UGT2B15: variants seen among roughly 807,000 people sequenced by gnomAD.
UGT2B15 encodes the protein UDP glucuronosyltransferase family 2 member B15.
Under a neutral mutation model 45.9 loss-of-function variants are expected in UGT2B15, and 36 were observed. The ratio of observed to expected loss-of-function variants is 0.78; its 90% confidence interval spans 0.60 to 1.04. The LOEUF (loss-of-function observed/expected upper bound fraction) is 1.04, where lower values mean the gene tolerates loss of function less well. Ranked by LOEUF, UGT2B15 falls within the 50% of genes least tolerant of loss-of-function variation. The probability of loss-of-function intolerance (pLI) is 0.00; values close to 1 mark genes in which losing one functional copy is unlikely to be tolerated. For missense variants in UGT2B15, 617 were observed against 622.4 expected (o/e 0.99, Z 0.09); for synonymous variants, 219 against 216.4 (o/e 1.01, Z -0.11).
rs761744978 is a variant in UGT2B15, at chr4:68,648,031, G to A, written c.1314-648C>T. Among the ~76,000 whole-genome samples the A allele has an allele frequency of 4.2e-4, 64 of 152,040 alleles. 2 individuals carry two copies. Among genetic ancestry groups the A allele is most frequent in the Admixed American group, 9.8e-4 (15 of 15,246 alleles). ...ACCACTGTGCCCAGCCCATTTTGACGTATTTAAAGAAGAATTGTGACACAA... is the reference window on the plus strand; with the variant it reads ...ACCACTGTGCCCAGCCCATTTTGACATATTTAAAGAAGAATTGTGACACAA... On this transcript the variant is annotated intron_variant, in intron 5 of 5. Transcript: ENST00000338206.
intron 3 of UGT2B15, among the ~76,000 whole-genome samples, chr4:68,658,921 G>A (rs947329699): frequency 1.3e-5 from 2 of 152,004 alleles, no homozygotes; most frequent in African/African-American, 2.4e-5. Context: ...AACTGATACT[G>A]AGAGATAAGT....
chr4:68,650,125 C>T (rs1335873925), intron 5 of UGT2B15, among the ~76,000 whole-genome samples: 1 of 151,994 alleles, frequency 6.6e-6, no homozygotes, highest in Non-Finnish European at 1.5e-5. Context: ...TGAGTCACTG[C>T]ACCTGGTCAG....
At chr4:68,660,068 G>A in intron 3 of UGT2B15, among the ~76,000 whole-genome samples, 1 of 149,558 alleles carries the variant, frequency 6.7e-6, no homozygotes, top group Non-Finnish European at 1.5e-5. Context: ...AACTATTTGT[G>A]AGTATTTTTT....
chr4:68,649,880 A>C (rs1410889417), intron 5 of UGT2B15, among the ~76,000 whole-genome samples: 2 of 151,116 alleles, frequency 1.3e-5, no homozygotes, highest in Admixed American at 6.6e-5. Context: ...CTCTGTCACC[A>C]GGAGTTCAGT....
intron 5 of UGT2B15, among the ~76,000 whole-genome samples, chr4:68,652,200 A>G (rs1732675633): frequency 1.3e-5 from 2 of 151,982 alleles, no homozygotes; most frequent in African/African-American, 4.8e-5. Context: ...GTGTATAGTA[A>G]TGCTTGTGAT....
chr4:68,664,134 A>G (rs1733048239), intron 2 of UGT2B15, among the ~76,000 whole-genome samples: 1 of 152,060 alleles, frequency 6.6e-6, no homozygotes, highest in South Asian at 2.1e-4. Context: ...CTCACACTAT[A>G]TGAAGCTCCT....
At chr4:68,655,527 A>T (rs1157337034) in intron 3 of UGT2B15, among the ~76,000 whole-genome samples, 1 of 152,090 alleles carries the variant, frequency 6.6e-6, no homozygotes, top group Non-Finnish European at 1.5e-5. Flanking sequence ...CTCCCATTCT[A>T]TTCAAAGTCA....
intron 2 of UGT2B15, among the ~76,000 whole-genome samples, chr4:68,666,751 TA>T (rs199630565): frequency 0.068 from 4,627 of 67,606 alleles, 98 homozygotes; most frequent in Middle Eastern, 0.15. Context: ...TATATATATA[TA>T]TTTTTTTTTT....
chr4:68,669,767 C>A, intron 1 of UGT2B15, 128 bp downstream of exon 1: 1 of 1,325,550 alleles, frequency 7.5e-7, no homozygotes, highest in East Asian at 2.3e-5. Flanking sequence ...ACTGATAGAT[C>A]ATCTTACATT....
intron 3 of UGT2B15, among the ~76,000 whole-genome samples, chr4:68,660,388 G>T (rs1431820570): frequency 6.6e-6 from 1 of 151,824 alleles, no homozygotes; most frequent in Non-Finnish European, 1.5e-5. Context: ...CCAACTCGTA[G>T]GTATTTGATG....
chr4:68,654,118 C>G lies in UGT2B15; in HGVS notation c.1232G>C (p.Gly411Ala), dbSNP rs766952023. Residue 411 changes from glycine (G) to alanine (A), a missense_variant, in exon 5 of 6, where the codon GGA becomes GCA. Physicochemically the swap from Gly to Ala is moderately conservative, Grantham distance 60. Transcript: ENST00000338206. ...HDNIAHMKAK[G>A]AALSVDIRTM... ...CCTGATGTCCACACTGAGGGCTGCT[C>G]CCTTGGCTTTCATGTGAGCAATGTT... The G allele has an allele frequency of 1.2e-6, 2 of 1,613,596 alleles. No individual in the cohort carries two copies. The highest frequency in any genetic ancestry group is 1.7e-5 in the Admixed American group (1 of 59,950).
chr4:68,661,161 A>G (rs1306028342), intron 3 of UGT2B15, among the ~76,000 whole-genome samples: 7 of 151,952 alleles, frequency 4.6e-5, no homozygotes, highest in Non-Finnish European at 7.4e-5. Flanking sequence ...GATTTTTTTT[A>G]AATGTAAAAG....
chr4:68,651,378 G>T (rs1339928386), intron 5 of UGT2B15, among the ~76,000 whole-genome samples: 1 of 151,938 alleles, frequency 6.6e-6, no homozygotes, highest in Non-Finnish European at 1.5e-5. Context: ...ATGGCTAGCC[G>T]GTTTCTCCAG....
chr4:68,664,944 A>G (rs1733076825), intron 2 of UGT2B15, among the ~76,000 whole-genome samples: 1 of 152,168 alleles, frequency 6.6e-6, no homozygotes, highest in Non-Finnish European at 1.5e-5. Flanking sequence ...GTGTAATTGC[A>G]GTTGCCTGTA....
chr4:68,669,352 T>C (rs1486231201), intron 1 of UGT2B15, among the ~76,000 whole-genome samples: 1 of 152,094 alleles, frequency 6.6e-6, no homozygotes, highest in Admixed American at 6.6e-5. Context: ...AAGGAATGTA[T>C]AAACATTAGA....
At chr4:68,662,494 A>G (rs1026338) in intron 3 of UGT2B15, among the ~76,000 whole-genome samples, 50,523 of 131,266 alleles carry the variant, frequency 0.38, 10,227 homozygotes, top group South Asian at 0.47. Context: ...TGAACAGAAC[A>G]CTAAATAGAC....
intron 3 of UGT2B15, among the ~76,000 whole-genome samples, chr4:68,656,748 C>T (rs940073424): frequency 2.0e-5 from 3 of 151,968 alleles, no homozygotes; most frequent in African/African-American, 7.3e-5. Context: ...CACCACTCAC[C>T]CCTTTAGGGG....
intron 5 of UGT2B15, among the ~76,000 whole-genome samples, chr4:68,651,918 T>C (rs1392147331): frequency 1.3e-5 from 2 of 152,068 alleles, no homozygotes; most frequent in East Asian, 1.9e-4. Flanking sequence ...GGAATGTCAA[T>C]GGTAGTTTGA....
Position 68,668,202 on chromosome 4 carries a change from A to G in UGT2B15, c.725-14T>C. 1 of 1,603,200 alleles carries G rather than the reference A, an allele frequency of 6.2e-7. No individual in the cohort carries two copies. The highest frequency in any genetic ancestry group is 8.5e-7 in the Non-Finnish European group (1 of 1,174,732). On this transcript the variant is annotated splice_polypyrimidine_tract_variant and intron_variant, in intron 1 of 5. Transcript: ENST00000338206. ...TAGTGGGTCTTCCTGATGGAAAAAA[A>G]CAAAACAAAACAAAAGGTAGCTAAC...
Sources: allele counts gnomAD v4.1 joint callset (sites outside exome capture counted in the v4.1 genomes callset), GRCh38; gene constraint gnomAD v4.1.1; transcripts MANE v1.5; gene names NCBI Gene and HGNC (gene_info 2026-07-23, HGNC 2026-07-21).